The following PNKD variants were observed in gnomAD, a reference collection of about 807,000 sequenced individuals.
PNKD encodes probable thioesterase PNKD.
A neutral mutation model predicts 45.3 loss-of-function variants in PNKD; 36 were observed. That is an observed-to-expected ratio of 0.80 (90% CI 0.61 to 1.05). PNKD has a LOEUF of 1.05. Among genes scored for constraint, PNKD ranks in the 50% least tolerant of loss-of-function variants. PNKD has a pLI of 0.00. For missense variants in PNKD, 511 were observed against 506.6 expected (o/e 1.01, Z -0.08); for synonymous variants, 197 against 210.1 (o/e 0.94, Z 0.54).
At chr2:218,344,343 T>G in intron 8 of PNKD, 112 bp from the exon 9 acceptor site, 1 of 775,796 alleles carries the variant, frequency 1.3e-6, no homozygotes, top group Non-Finnish European at 2.3e-6. Context: ...AGTGCTGACC[T>G]CATCCCTAGT....
intron 2 of PNKD, chr2:218,281,806 G>A (rs899618027): frequency 6.3e-6 from 5 of 794,516 alleles, no homozygotes; most frequent in Admixed American, 5.5e-5. Context: ...GAAACAGAGG[G>A]AGAGATCTCA....
chr2:218,271,457 G>A lies in PNKD; in HGVS notation c.144G>A (p.Glu48=). ...TRALQSHSSP[E]GKEEPEPLSP... Reference sequence around the variant, plus strand: ...CCCTGCAAAGCCACAGCTCCCCAGAGGGCAAGGAGGAACCTGAACCCCTAT... The same window carrying A: ...CCCTGCAAAGCCACAGCTCCCCAGAAGGCAAGGAGGAACCTGAACCCCTAT... The change falls in exon 2 of 10, where the codon GAG becomes GAA. Residue 48 remains glutamate (E), a synonymous_variant. Coordinates refer to ENST00000273077, the MANE Select transcript of PNKD (RefSeq NM_015488.5). 1 of 1,614,112 alleles carries A rather than the reference G, an allele frequency of 6.2e-7. No individual in the cohort carries two copies. The highest frequency in any genetic ancestry group is 1.1e-5 in the South Asian group (1 of 91,086).
At chr2:218,276,862 G>A (rs1023143908) in intron 2 of PNKD, 17 of 680,160 alleles carry the variant, frequency 2.5e-5, no homozygotes, top group East Asian at 5.4e-5. Flanking sequence ...CTGCCTCCAC[G>A]TTGGTGCCTT....
At chr2:218,288,493 C>T (rs1440336838) in intron 2 of PNKD, among the ~76,000 whole-genome samples, 1 of 152,290 alleles carries the variant, frequency 6.6e-6, no homozygotes, top group East Asian at 1.9e-4. Flanking sequence ...GAACCACTTC[C>T]AGTACTTACT....
At chr2:218,330,563 T>C (rs1298537855) in intron 2 of PNKD, among the ~76,000 whole-genome samples, 7 of 152,196 alleles carry the variant, frequency 4.6e-5, no homozygotes, top group Non-Finnish European at 8.8e-5. Flanking sequence ...GGAGGGTCCC[T>C]TGGGGCAGCT....
At chr2:218,289,640 A>AAAC (rs1166682981) in intron 2 of PNKD, among the ~76,000 whole-genome samples, 60 of 151,294 alleles carry the variant, frequency 4.0e-4, no homozygotes, top group Middle Eastern at 3.4e-3. Context: ...AAAAAAAAAA[A>AAAC]AAAAAACTGA....
At chr2:218,319,474 C>A (rs1028372379) in intron 2 of PNKD, among the ~76,000 whole-genome samples, 120 of 139,680 alleles carry the variant, frequency 8.6e-4, no homozygotes, top group Non-Finnish European at 1.3e-3. Flanking sequence ...CTCTTAGGTT[C>A]AAGCAGTTCT....
Position 218,342,139 on chromosome 2 carries a change from G to C in PNKD, c.776G>C (p.Gly259Ala). 6.2e-7 allele frequency: 1 copy of C among 1,612,586 alleles called. No individual in the cohort carries two copies. The highest frequency in any genetic ancestry group is 8.5e-7 in the Non-Finnish European group (1 of 1,179,782). ...LFSGDLLFLS[G>A]CGRTFEGNAE... ...TCAGGGGACCTGCTCTTCCTCTCTGGCTGTGGTGAGTTTCCCCGAAAGAGA... is the reference window on the plus strand; with the variant it reads ...TCAGGGGACCTGCTCTTCCTCTCTGCCTGTGGTGAGTTTCCCCGAAAGAGA... Residue 259 changes from glycine to alanine, a missense_variant, in exon 7 of 10, where the codon GGC becomes GCC. Gly to Ala is a moderately conservative substitution (Grantham distance 60). Coordinates refer to ENST00000273077, the MANE Select transcript of PNKD (RefSeq NM_015488.5).
chr2:218,314,657 T>G (rs1378759992), intron 2 of PNKD, among the ~76,000 whole-genome samples: 4 of 152,170 alleles, frequency 2.6e-5, no homozygotes, highest in Non-Finnish European at 4.4e-5. Flanking sequence ...AATCACTCCT[T>G]GGCCTTTTGG....
In PNKD at chr2:218,325,589, A is replaced by T. The variant is rs533496120; in HGVS notation, c.237-14194A>T. The stretch of plus-strand genomic sequence containing the variant: ...AGCCTTATCTGGGGAAAGATTTTTA[A>T]ATCTACTTCTAGCTTTCAAAATTAG... On this transcript the variant is annotated intron_variant, in intron 2 of 9. Transcript: ENST00000273077. Among the ~76,000 whole-genome samples, 188 of 152,286 alleles carry T rather than the reference A, an allele frequency of 1.2e-3. 1 individual carries two copies. Among genetic ancestry groups the T allele is most frequent in the African/African-American group, 4.2e-3 (176 of 41,566 alleles).
At position 218,307,322 on chromosome 2, in the gene PNKD, A is replaced by AT. The variant is rs1248530124; in HGVS notation, c.237-32460dup. On this transcript the variant is annotated intron_variant, in intron 2 of 9. Transcript: ENST00000273077. The stretch of plus-strand genomic sequence containing the variant: ...ATTTCTATTATTATTACATTGTAAT[A>AT]TATAATAAAATAATCATACAACTCA... Among the ~76,000 whole-genome samples the AT allele has an allele frequency of 7.4e-4, 113 of 152,318 alleles. 2 individuals are homozygous for AT. The East Asian group carries it at 0.014, about 20-fold the overall frequency.
intron 2 of PNKD, chr2:218,327,161 C>G (rs1195289716): frequency 1.3e-5 from 2 of 152,302 alleles, no homozygotes; most frequent in East Asian, 3.8e-4. Flanking sequence ...TGGAGAAAGC[C>G]AGTCCTAGTG....
At chr2:218,280,069 C>A (rs563490616) in intron 2 of PNKD, 8 of 1,614,178 alleles carry the variant, frequency 5.0e-6, no homozygotes, top group African/African-American at 1.3e-5. Context: ...ATCCCACTCT[C>A]CAGGCCCGAA....
Position 218,344,992 on chromosome 2 carries a change from GC to G in PNKD, c.*16del. ...CACAAGAGCAAGTGATGCCCCCAGCGCCCCCAGCCCAGCCCACTCCCCGCAT... is the reference window on the plus strand; with the variant it reads ...CACAAGAGCAAGTGATGCCCCCAGCGCCCCAGCCCAGCCCACTCCCCGCAT... On this transcript the variant is annotated 3_prime_UTR_variant, in exon 10 of 10. Transcript: ENST00000273077. 6.2e-7 allele frequency: 1 copy of G among 1,605,108 alleles called. No individual in the cohort carries two copies. The highest frequency in any genetic ancestry group is 1.1e-5 in the South Asian group (1 of 90,578).
At chr2:218,297,684 C>T (rs1244909760) in intron 2 of PNKD, among the ~76,000 whole-genome samples, 1 of 41,986 alleles carries the variant, frequency 2.4e-5, no homozygotes, top group East Asian at 6.9e-4. Flanking sequence ...GACTCCGTCT[C>T]AAAAAAAAAA....
intron 8 of PNKD, 56 bp from the exon 9 acceptor site, chr2:218,344,399 T>C: frequency 7.7e-7 from 1 of 1,303,168 alleles, no homozygotes; most frequent in African/African-American, 1.5e-5. Context: ...AAGACTGTTC[T>C]GACTGTACCA....
At chr2:218,342,320 C>A (rs1391578668) in intron 7 of PNKD, among the ~76,000 whole-genome samples, 176 bp downstream of exon 7, 1 of 152,156 alleles carries the variant, frequency 6.6e-6, no homozygotes, top group Non-Finnish European at 1.5e-5. Context: ...CCTTGGGGCA[C>A]CTTGGGAGGC....
At chr2:218,273,501 A>T in intron 2 of PNKD, among the ~76,000 whole-genome samples, 1 of 126,386 alleles carries the variant, frequency 7.9e-6, no homozygotes. Flanking sequence ...TTTTTTTGAG[A>T]CAGAGTTTCA....
rs371342116 is a variant in PNKD, at chr2:218,270,559, G to A, written c.24G>A (p.Thr8=). The part of the protein sequence containing the change: MAAVVAA[T]ALKGRGARNA... ...ACATGGCGGCGGTGGTAGCTGCTAC[G>A]GCGCTGAAGGGCCGGGGGGCGAGAA... The change falls in exon 1 of 10, where the codon ACG becomes ACA. Residue 8 remains threonine (T), a synonymous_variant. Coordinates refer to ENST00000273077, the MANE Select transcript of PNKD (RefSeq NM_015488.5). 218 of 1,223,732 alleles carry A rather than the reference G, an allele frequency of 1.8e-4. 1 individual carries two copies. Among genetic ancestry groups the A allele is most frequent in the Middle Eastern group, 1.3e-3 (6 of 4,776 alleles). The allele number at this position is 1,223,732 out of a possible 1,614,324, so 75.8% of individuals were successfully genotyped here.
Sources: allele counts gnomAD v4.1 joint callset (sites outside exome capture counted in the v4.1 genomes callset), GRCh38; gene constraint gnomAD v4.1.1; transcripts MANE v1.5; gene names NCBI Gene and HGNC (gene_info 2026-07-23, HGNC 2026-07-21).